TENT5D: variants seen among roughly 807,000 people sequenced by gnomAD.
The protein encoded by TENT5D is cancer/testis antigen 112.
For synonymous variants in TENT5D, 103 were observed against 100.6 expected, an observed-to-expected ratio of 1.02 and a Z score of -0.15; for missense variants, 191 against 287.0, an observed-to-expected ratio of 0.67 and a Z score of 2.42.
intron 2 of TENT5D, among the ~76,000 whole-genome samples, chrX:80,440,951 A>G (rs1354263758): frequency 1.8e-5 from 2 of 111,306 alleles, no homozygotes; most frequent in East Asian, 5.6e-4. Context: ...CTAGAAAATA[A>G]GATTACCAGT....
chrX:80,341,546 T>C, intron 2 of TENT5D, among the ~76,000 whole-genome samples: 1 of 111,338 alleles, frequency 9.0e-6, no homozygotes, highest in African/African-American at 3.3e-5. Flanking sequence ...AAGATCAGTG[T>C]ATAAGGCAAA....
At chrX:80,439,297 A>C (rs935453050) in intron 2 of TENT5D, among the ~76,000 whole-genome samples, 7 of 111,697 alleles carry the variant, frequency 6.3e-5, no homozygotes, top group African/African-American at 2.3e-4. Flanking sequence ...TTCAGTAAAT[A>C]AAAGTTGGAT....
In TENT5D at chrX:80,396,096, T is replaced by A. The variant is rs183890547; in HGVS notation, c.-141-42514T>A. On this transcript the variant is annotated intron_variant, in intron 3 of 4. Coordinates refer to the TENT5D transcript ENST00000538312. The stretch of plus-strand genomic sequence containing the variant: ...CCACACTTTCTTTATTCATCAGTTA[T>A]TGGAAACTTAGGTTGATACCATATC... Among the ~76,000 whole-genome samples the A allele has an allele frequency of 2.4e-4, 27 of 110,307 alleles. No homozygotes were observed. In the East Asian group the frequency reaches 6.0e-3, roughly 24 times the overall value.
intron 3 of TENT5D, among the ~76,000 whole-genome samples, chrX:80,356,804 A>G (rs1432897929): frequency 1.2e-4 from 13 of 111,297 alleles, no homozygotes; most frequent in African/African-American, 4.2e-4. Flanking sequence ...GTACATGTGC[A>G]CAACGTGCAG....
chrX:80,384,866 G>C (rs773696697), intron 3 of TENT5D, among the ~76,000 whole-genome samples: 1 of 110,100 alleles, frequency 9.1e-6, no homozygotes, highest in African/African-American at 3.3e-5. Flanking sequence ...ACTTACAAGG[G>C]ATGTGAAGGA....
chrX:80,437,546 ATAT>A (rs772792719), intron 1 of TENT5D, among the ~76,000 whole-genome samples: 1 of 111,596 alleles, frequency 9.0e-6, no homozygotes, highest in Admixed American at 9.6e-5. Context: ...CACCAAATTG[ATAT>A]TATTTGATAA....
At chrX:80,357,413 T>A (rs901903260) in intron 3 of TENT5D, among the ~76,000 whole-genome samples, 17 of 108,446 alleles carry the variant, frequency 1.6e-4, no homozygotes, top group African/African-American at 5.7e-4. Flanking sequence ...CCACATCCTC[T>A]CCAGCACCTG....
At chrX:80,408,553 A>C (rs1475595890) in intron 3 of TENT5D, among the ~76,000 whole-genome samples, 3 of 110,326 alleles carry the variant, frequency 2.7e-5, no homozygotes. Context: ...ACCAGGAAGA[A>C]GTTGAATCTC....
intron 2 of TENT5D, among the ~76,000 whole-genome samples, chrX:80,340,316 G>C (rs1418691624): frequency 3.6e-5 from 4 of 110,850 alleles, no homozygotes; most frequent in African/African-American, 1.3e-4. Context: ...AACAAAAAAG[G>C]CTCTCTTAAA....
intron 3 of TENT5D, among the ~76,000 whole-genome samples, chrX:80,342,873 G>C (rs1203123317): frequency 9.0e-6 from 1 of 111,321 alleles, no homozygotes; most frequent in Non-Finnish European, 1.9e-5. Context: ...TATGATTTCT[G>C]CTTTTGTCTG....
At chrX:80,391,942 C>T (rs1931136158) in intron 3 of TENT5D, among the ~76,000 whole-genome samples, 1 of 112,333 alleles carries the variant, frequency 8.9e-6, no homozygotes, top group African/African-American at 3.2e-5. Context: ...TAGCAAACCT[C>T]CTGAAAGGCA....
In TENT5D at chrX:80,409,188, C is replaced by T. The variant is rs1422034508; in HGVS notation, c.-141-29422C>T. Among the ~76,000 whole-genome samples, 3 of 110,789 alleles carry T rather than the reference C, an allele frequency of 2.7e-5. No homozygotes were observed. In the East Asian group the frequency reaches 8.6e-4, roughly 32 times the overall value. ...GAAGCATTCCCTTTGAAAACTGGCA[C>T]AAGACAGGGATGCCCTCTCTCACCA... is the stretch of plus-strand genomic sequence containing the variant. On this transcript the variant is annotated intron_variant, in intron 3 of 4. Transcript: ENST00000538312.
chrX:80,416,394 T>C (rs1931779670), upstream of TENT5D, among the ~76,000 whole-genome samples: 1 of 109,705 alleles, frequency 9.1e-6, no homozygotes. Flanking sequence ...GTTGGTTTTT[T>C]TTTTTTATCT....
chrX:80,438,043 G>C (rs1426656171), intron 1 of TENT5D, among the ~76,000 whole-genome samples: 1 of 111,442 alleles, frequency 9.0e-6, no homozygotes, highest in Non-Finnish European at 1.9e-5. Context: ...TGGCTTAAAA[G>C]AGCATTCACT....
intron 3 of TENT5D, among the ~76,000 whole-genome samples, chrX:80,414,208 T>C (rs1362563220): frequency 8.9e-6 from 1 of 111,892 alleles, no homozygotes; most frequent in African/African-American, 3.2e-5. Context: ...GAAGGAGTTG[T>C]ACAGTAAAAT....
chrX:80,409,467 A>T (rs1214110754), intron 3 of TENT5D, among the ~76,000 whole-genome samples: 1 of 110,673 alleles, frequency 9.0e-6, no homozygotes, highest in Non-Finnish European at 1.9e-5. Flanking sequence ...AGACAAATAG[A>T]GAGCCAAATG....
chrX:80,386,409 G>C (rs1362514305), intron 3 of TENT5D, among the ~76,000 whole-genome samples: 1 of 110,400 alleles, frequency 9.1e-6, no homozygotes, highest in Non-Finnish European at 1.9e-5. Flanking sequence ...CCTGTTGTGG[G>C]GTGGGAGGAG....
intron 3 of TENT5D, among the ~76,000 whole-genome samples, chrX:80,367,897 G>C (rs1054064506): frequency 3.6e-5 from 4 of 111,252 alleles, no homozygotes; most frequent in African/African-American, 1.3e-4. Context: ...AGGTAAAAAA[G>C]TAGTTAGAAA....
At chrX:80,438,843 A>C (rs1327057937) in intron 2 of TENT5D, 111 bp downstream of exon 2, 1 of 111,210 alleles carries the variant, frequency 9.0e-6, no homozygotes, top group Non-Finnish European at 1.9e-5. Flanking sequence ...GGGAACATAG[A>C]GTTGTAATAG....
Sources: gnomAD v4.1 joint callset for allele counts (sites outside exome capture counted in the v4.1 genomes callset) on GRCh38, gnomAD v4.1.1 for gene constraint, MANE v1.5 for transcripts, NCBI Gene and HGNC (gene_info 2026-07-23, HGNC 2026-07-21) for gene names.